Variants in AP3B1 observed in about 807,000 individuals in gnomAD.
AP3B1 encodes the protein AP-3 complex subunit beta-1.
A neutral mutation model predicts 132.5 loss-of-function variants in AP3B1; 61 were observed. That is an observed-to-expected ratio of 0.46 (90% CI 0.37 to 0.57). The LOEUF (loss-of-function observed/expected upper bound fraction) is 0.57. AP3B1 is among the 20% of genes least tolerant of loss of function. The probability of loss-of-function intolerance (pLI) is 0.00; values close to 1 mark genes in which losing one functional copy is unlikely to be tolerated. For missense variants in AP3B1, 1,120 were observed against 1,289.4 expected, an observed-to-expected ratio of 0.87 and a Z score of 2.01; for synonymous variants, 388 against 438.3, an observed-to-expected ratio of 0.89 and a Z score of 1.43.
At chr5:78,217,223 A>G (rs921115478) in intron 6 of AP3B1, among the ~76,000 whole-genome samples, 3 of 152,182 alleles carry the variant, frequency 2.0e-5, no homozygotes, top group African/African-American at 7.2e-5. Context: ...AATGATATTC[A>G]TATTTTGAGT....
At chr5:78,261,464 GTTGTT>G (rs1380631227) in intron 2 of AP3B1, among the ~76,000 whole-genome samples, 11 of 151,762 alleles carry the variant, frequency 7.2e-5, no homozygotes, top group Admixed American at 6.6e-4. Context: ...TTTTGTTGTT[GTTGTT>G]TTGTTTTGTT....
At chr5:78,078,638 G>A (rs935623433) in intron 22 of AP3B1, among the ~76,000 whole-genome samples, 3 of 152,002 alleles carry the variant, frequency 2.0e-5, no homozygotes, top group African/African-American at 4.8e-5. Flanking sequence ...CACAAATATC[G>A]CTATCCAAGT....
intron 17 of AP3B1, among the ~76,000 whole-genome samples, chr5:78,121,229 C>G (rs1356921412): frequency 6.6e-6 from 1 of 151,882 alleles, no homozygotes; most frequent in East Asian, 1.9e-4. Flanking sequence ...TGAATGCCCA[C>G]AAGAGAAAGC....
chr5:78,208,466 A>G (rs76698647), intron 7 of AP3B1, among the ~76,000 whole-genome samples: 209 of 152,264 alleles, frequency 1.4e-3, no homozygotes, highest in African/African-American at 4.8e-3. Flanking sequence ...TCACACATGC[A>G]TTCTGGGAAG....
chr5:78,181,687 A>G (rs1744378397), intron 7 of AP3B1, 25 bp from the exon 8 acceptor site: 1 of 1,606,630 alleles, frequency 6.2e-7, no homozygotes, highest in South Asian at 1.1e-5. Context: ...ATCCAACCCA[A>G]GATTACTTTA....
chr5:78,177,311 A>G (rs1291837774), intron 9 of AP3B1, 28 bp downstream of exon 9: 15 of 1,491,130 alleles, frequency 1.0e-5, no homozygotes, highest in Non-Finnish European at 1.4e-5. Context: ...AATACAAAAG[A>G]AAAAATATAT....
At chr5:78,129,022 A>G (rs1752582456) in intron 16 of AP3B1, 99 bp downstream of exon 16, 2 of 1,001,910 alleles carry the variant, frequency 2.0e-6, no homozygotes, top group East Asian at 5.2e-5. Context: ...CGAATCATTT[A>G]TATTTCCTAA....
intron 26 of AP3B1, among the ~76,000 whole-genome samples, chr5:78,012,807 T>C (rs1418959520): frequency 1.3e-5 from 2 of 152,230 alleles, no homozygotes; most frequent in Admixed American, 1.3e-4. Flanking sequence ...CAAATATAAA[T>C]GGTTCTTAGT....
intron 6 of AP3B1, among the ~76,000 whole-genome samples, chr5:78,223,367 G>T (rs1171834411): frequency 1.3e-5 from 2 of 151,658 alleles, no homozygotes; most frequent in African/African-American, 4.8e-5. Context: ...CCTCACAAAG[G>T]GTAGGCCACC....
At chr5:78,229,550 T>A (rs1217660407) in intron 3 of AP3B1, among the ~76,000 whole-genome samples, 4 of 143,714 alleles carry the variant, frequency 2.8e-5, no homozygotes, top group African/African-American at 1.1e-4. Flanking sequence ...CTGGGCAACA[T>A]GGTGAAATCC....
intron 11 of AP3B1, among the ~76,000 whole-genome samples, chr5:78,174,307 C>T (rs761044054): frequency 2.0e-5 from 3 of 152,124 alleles, no homozygotes; most frequent in Non-Finnish European, 2.9e-5. Context: ...CTGGTTTCTC[C>T]CTATCTTTGT....
chr5:78,057,893 G>A (rs1748882859), intron 22 of AP3B1, among the ~76,000 whole-genome samples: 1 of 151,900 alleles, frequency 6.6e-6, no homozygotes, highest in African/African-American at 2.4e-5. Context: ...GTGTAATCTT[G>A]TATCCCATGT....
At chr5:78,081,467 C>T (rs1020525914) in intron 22 of AP3B1, among the ~76,000 whole-genome samples, 4 of 152,096 alleles carry the variant, frequency 2.6e-5, no homozygotes, top group African/African-American at 9.6e-5. Flanking sequence ...GCCACTGCGC[C>T]CGGCTAATTT....
chr5:78,163,977 A>G (rs1743505883), intron 12 of AP3B1, among the ~76,000 whole-genome samples: 1 of 152,052 alleles, frequency 6.6e-6, no homozygotes, highest in African/African-American at 2.4e-5. Context: ...TGTCTAAATG[A>G]CAAATGGAGG....
At chr5:78,121,665 T>C (rs1025028986) in intron 17 of AP3B1, 4 of 152,246 alleles carry the variant, frequency 2.6e-5, no homozygotes, top group African/African-American at 9.6e-5. Context: ...AATCTCTGAA[T>C]AGACCGATAA....
In AP3B1 at chr5:78,117,170, A is replaced by AC. The variant is rs1187732425; in HGVS notation, c.1969-937dup. Among the ~76,000 whole-genome samples the AC allele has an allele frequency of 1.7e-3, 93 of 53,702 alleles. 2 individuals carry two copies. The highest frequency in any genetic ancestry group is 0.014 in the Middle Eastern group (1 of 74). 35.2% of individuals were successfully genotyped at this position (53,702 alleles called of 152,430 possible). ...GGCACTTCCAACACCATTCCCCACC[A>AC]CCTTTTTTTTTTTTTTTTTTTTAAT... On this transcript the variant is annotated intron_variant, in intron 17 of 26. Coordinates refer to ENST00000255194, the MANE Select transcript of AP3B1 (RefSeq NM_003664.5).
intron 20 of AP3B1, among the ~76,000 whole-genome samples, chr5:78,109,577 T>G (rs1418682770): frequency 1.3e-5 from 2 of 152,140 alleles, no homozygotes; most frequent in South Asian, 4.1e-4. Context: ...AAGATAATTA[T>G]CGTTAGGTCT....
At chr5:78,107,449 C>G (rs1461172664) in intron 20 of AP3B1, among the ~76,000 whole-genome samples, 3 of 152,070 alleles carry the variant, frequency 2.0e-5, no homozygotes, top group Admixed American at 2.0e-4. Context: ...CTCTCTCTCT[C>G]TTTAAATGCT....
intron 22 of AP3B1, among the ~76,000 whole-genome samples, chr5:78,046,245 G>T (rs180974509): frequency 6.6e-6 from 1 of 152,252 alleles, no homozygotes; most frequent in Non-Finnish European, 1.5e-5. Flanking sequence ...AAGCATTACC[G>T]CCTGAGCTCT....
Sources: allele counts gnomAD v4.1 joint callset (sites outside exome capture counted in the v4.1 genomes callset), GRCh38; gene constraint gnomAD v4.1.1; transcripts MANE v1.5; gene names NCBI Gene and HGNC (gene_info 2026-07-23, HGNC 2026-07-21).